CTNNA2: variants seen among roughly 807,000 people sequenced by gnomAD.
CTNNA2 encodes catenin alpha 2.
In CTNNA2, 42 loss-of-function variants were observed where a neutral mutation model predicts 101.0. The observed-to-expected ratio is 0.42, with a 90% CI of 0.32 to 0.54. The LOEUF is 0.54. Among genes scored for constraint, CTNNA2 ranks in the 20% least tolerant of loss-of-function variants. The pLI is 0.14. For synonymous variants in CTNNA2, 450 were observed against 456.4 expected (o/e 0.99, Z 0.18); for missense variants, 871 against 1,223.1 (o/e 0.71, Z 4.29).
intron 7 of CTNNA2, among the ~76,000 whole-genome samples, chr2:80,079,828 TAAATAAAATA>T (rs61063068): frequency 0.015 from 1,783 of 120,068 alleles, 29 homozygotes; most frequent in African/African-American, 0.035. Context: ...TAAAATAAAA[TAAATAAAATA>T]AAATAAAATA....
At chr2:80,634,824 G>C (rs1287732247) in intron 18 of CTNNA2, among the ~76,000 whole-genome samples, 2 of 152,218 alleles carry the variant, frequency 1.3e-5, no homozygotes, top group East Asian at 3.9e-4. Flanking sequence ...TGTTGAGTTG[G>C]AGAAAACAGG....
intron 8 of CTNNA2, among the ~76,000 whole-genome samples, chr2:80,397,764 C>T (rs1389438308): frequency 6.6e-6 from 1 of 152,100 alleles, no homozygotes; most frequent in African/African-American, 2.4e-5. Context: ...GCACCCATGG[C>T]CATATAGGGT....
At chr2:79,203,647 T>C (rs1444360389) in intron 2 of CTNNA2, among the ~76,000 whole-genome samples, 1 of 152,210 alleles carries the variant, frequency 6.6e-6, no homozygotes, top group Non-Finnish European at 1.5e-5. Context: ...GCAAAAATGT[T>C]TTTTGCACAT....
At chr2:79,885,270 T>A (rs551835172) in intron 6 of CTNNA2, among the ~76,000 whole-genome samples, 7 of 152,326 alleles carry the variant, frequency 4.6e-5, no homozygotes, top group Admixed American at 4.6e-4. Flanking sequence ...GGCTTCCGAA[T>A]AAGTGAGGGT....
intron 6 of CTNNA2, among the ~76,000 whole-genome samples, chr2:79,893,192 T>C (rs1386296774): frequency 6.6e-6 from 1 of 152,186 alleles, no homozygotes; most frequent in Non-Finnish European, 1.5e-5. Context: ...TGTTAAGTGA[T>C]ATCTTTTCCA....
chr2:79,497,338 C>A (rs1280559092), intron 4 of CTNNA2, among the ~76,000 whole-genome samples: 1 of 152,154 alleles, frequency 6.6e-6, no homozygotes, highest in African/African-American at 2.4e-5. Context: ...TACTTCTAGG[C>A]TTTTGATTTT....
intron 1 of CTNNA2, among the ~76,000 whole-genome samples, chr2:79,533,937 A>C (rs942965144): frequency 1.3e-5 from 2 of 152,136 alleles, no homozygotes; most frequent in African/African-American, 4.8e-5. Context: ...TGGAATAACA[A>C]CTGGCATCCT....
chr2:79,458,708 A>C (rs1017269205), intron 4 of CTNNA2, among the ~76,000 whole-genome samples: 15 of 152,188 alleles, frequency 9.9e-5, no homozygotes, highest in Non-Finnish European at 1.8e-4. Flanking sequence ...AAAACTTCCT[A>C]GGGAGAATGA....
intron 7 of CTNNA2, among the ~76,000 whole-genome samples, chr2:80,040,353 T>C (rs945778315): frequency 6.6e-6 from 1 of 152,232 alleles, no homozygotes; most frequent in African/African-American, 2.4e-5. Context: ...GCAGACTTGA[T>C]TGATATTTGA....
At chr2:80,507,190 A>G (rs868239717) in intron 9 of CTNNA2, among the ~76,000 whole-genome samples, 1 of 152,174 alleles carries the variant, frequency 6.6e-6, no homozygotes, top group African/African-American at 2.4e-5. Context: ...TGTACCTCAT[A>G]GGGTTGCAGT....
chr2:80,150,387 C>T (rs1410521868), intron 7 of CTNNA2, among the ~76,000 whole-genome samples: 1 of 152,122 alleles, frequency 6.6e-6, no homozygotes, highest in Non-Finnish European at 1.5e-5. Context: ...GCCTTGAGGA[C>T]CTTGCATGCC....
At chr2:80,352,744 A>G (rs1673425482) in intron 7 of CTNNA2, among the ~76,000 whole-genome samples, 1 of 152,130 alleles carries the variant, frequency 6.6e-6, no homozygotes, top group Admixed American at 6.6e-5. Flanking sequence ...GAGGAGAACT[A>G]TGTGCTTCAT....
intron 1 of CTNNA2, among the ~76,000 whole-genome samples, chr2:79,527,070 A>G (rs897289126): frequency 6.6e-6 from 1 of 152,138 alleles, no homozygotes; most frequent in East Asian, 1.9e-4. Context: ...TGAAAAGACA[A>G]CCCACAGAAT....
At chr2:79,286,756 T>A (rs1028459653) in intron 2 of CTNNA2, among the ~76,000 whole-genome samples, 1 of 151,980 alleles carries the variant, frequency 6.6e-6, no homozygotes, top group Non-Finnish European at 1.5e-5. Flanking sequence ...TCTCGAGGAG[T>A]ATCTTTGTGG....
intron 1 of CTNNA2, among the ~76,000 whole-genome samples, chr2:79,635,985 G>A (rs1181649945): frequency 2.0e-5 from 3 of 151,178 alleles, no homozygotes; most frequent in South Asian, 4.2e-4. Context: ...TGGGGGGCCG[G>A]GTGCGGTGGC....
chr2:79,454,248 G>A (rs1216767358), intron 4 of CTNNA2, among the ~76,000 whole-genome samples: 1 of 151,956 alleles, frequency 6.6e-6, no homozygotes, highest in Non-Finnish European at 1.5e-5. Context: ...TACCCTGTGA[G>A]TAATTTACCA....
intron 8 of CTNNA2, among the ~76,000 whole-genome samples, chr2:80,395,846 A>G (rs1327584946): frequency 1.3e-5 from 2 of 152,204 alleles, no homozygotes; most frequent in Admixed American, 1.3e-4. Flanking sequence ...ATTTAGAGAG[A>G]TCAAATCTCA....
At chr2:80,087,019 G>A (rs903018609) in intron 7 of CTNNA2, among the ~76,000 whole-genome samples, 6 of 151,962 alleles carry the variant, frequency 3.9e-5, no homozygotes, top group African/African-American at 1.5e-4. Context: ...CAGACCCACC[G>A]GCTCATGCAT....
chr2:79,637,758 G>A (rs1055091665), intron 1 of CTNNA2, among the ~76,000 whole-genome samples: 5 of 152,064 alleles, frequency 3.3e-5, no homozygotes, highest in Admixed American at 2.6e-4. Flanking sequence ...CTTACCACCC[G>A]TGAAATAACA....
Sources: allele counts gnomAD v4.1 joint callset (sites outside exome capture counted in the v4.1 genomes callset), GRCh38; gene constraint gnomAD v4.1.1; transcripts MANE v1.5; gene names NCBI Gene and HGNC (gene_info 2026-07-23, HGNC 2026-07-21).